Variants in MEGF11 observed in about 807,000 individuals in gnomAD.
The protein encoded by MEGF11 is multiple epidermal growth factor-like domains protein 11.
MEGF11 carries 126 observed loss-of-function variants against 146.6 expected under a neutral mutation model. The ratio of observed to expected loss-of-function variants is 0.86; its 90% CI spans 0.74 to 1.00. The LOEUF is 1.00. Among genes scored for constraint, MEGF11 ranks in the 50% least tolerant of loss-of-function variants. The pLI is 0.00. For missense variants in MEGF11, 1,509 were observed against 1,521.2 expected (o/e 0.99, Z 0.13); for synonymous variants, 532 against 583.4 (o/e 0.91, Z 1.27).
At chr15:66,080,601 C>T (rs17241225) in intron 5 of MEGF11, among the ~76,000 whole-genome samples, 5,347 of 152,320 alleles carry the variant, frequency 0.035, 279 homozygotes, top group Admixed American at 0.15. Flanking sequence ...CTTTGAGAAG[C>T]GCTCAGTAAA....
chr15:66,030,523 C>A (rs770740036), intron 5 of MEGF11, among the ~76,000 whole-genome samples: 8 of 152,226 alleles, frequency 5.3e-5, no homozygotes, highest in Non-Finnish European at 1.2e-4. Flanking sequence ...GATTCTCCTG[C>A]CTCAGCCTCC....
Position 65,957,534 on chromosome 15 carries a change from C to A in MEGF11, c.1287+13G>T, listed in dbSNP as rs760940593. 12 of 1,610,822 alleles carry A rather than the reference C, an allele frequency of 7.4e-6. No homozygotes were observed. In the Admixed American group the frequency reaches 2.0e-4, roughly 27 times the overall value. On this transcript the variant is annotated intron_variant, in intron 10 of 25. Coordinates refer to ENST00000395614, the MANE Select transcript of MEGF11 (RefSeq NM_001385028.1). ...GAGGTCAGGAAGGCCACGGGAGGCC[C>A]CTCCCATCTTACCATGAAGCCCGGA...
At chr15:65,950,072 C>A in intron 10 of MEGF11, among the ~76,000 whole-genome samples, 1 of 152,184 alleles carries the variant, frequency 6.6e-6, no homozygotes, top group Non-Finnish European at 1.5e-5. Flanking sequence ...ACAGGGCACT[C>A]AGGCCAGGAC....
At chr15:66,140,604 C>T (rs1013722947) in intron 1 of MEGF11, among the ~76,000 whole-genome samples, 7 of 152,140 alleles carry the variant, frequency 4.6e-5, no homozygotes, top group South Asian at 2.1e-4. Context: ...CTAAATTTGC[C>T]GTAATACATA....
At chr15:66,104,028 TAG>T (rs1335639444) in intron 4 of MEGF11, among the ~76,000 whole-genome samples, 2 of 152,204 alleles carry the variant, frequency 1.3e-5, no homozygotes, top group African/African-American at 4.8e-5. Flanking sequence ...TGTACACATG[TAG>T]AGAGTGAAAT....
At chr15:66,114,090 G>A (rs960510486) in intron 4 of MEGF11, among the ~76,000 whole-genome samples, 3 of 152,180 alleles carry the variant, frequency 2.0e-5, no homozygotes, top group Non-Finnish European at 2.9e-5. Context: ...TTTGAGAACC[G>A]CTGGAGTCAA....
chr15:66,085,786 AT>A (rs2086082961), intron 5 of MEGF11, among the ~76,000 whole-genome samples: 1 of 152,232 alleles, frequency 6.6e-6, no homozygotes, highest in African/African-American at 2.4e-5. Flanking sequence ...CCCCTAAAAA[AT>A]CACACTAGTT....
chr15:66,164,443 G>A (rs915611491), intron 1 of MEGF11, among the ~76,000 whole-genome samples: 2 of 152,142 alleles, frequency 1.3e-5, no homozygotes, highest in Admixed American at 6.5e-5. Context: ...CAAGAGTTAG[G>A]AGACCTGGGC....
Position 66,182,894 on chromosome 15 carries a change from T to C in MEGF11, c.-8-54483A>G, listed in dbSNP as rs1013429218. On this transcript the variant is annotated intron_variant, in intron 1 of 25. Coordinates refer to ENST00000395614, the MANE Select transcript of MEGF11 (RefSeq NM_001385028.1). ...GAAGCCGTTTATGGTGGAGAGAAGC[T>C]GGAAACATCTTTAGGTGTCCCTCAC... is the stretch of plus-strand genomic sequence containing the variant. Among the ~76,000 whole-genome samples the C allele has an allele frequency of 5.3e-5, 8 of 152,266 alleles. No homozygotes were observed. The East Asian group carries it at 1.5e-3, about 29-fold the overall frequency.
intron 6 of MEGF11, among the ~76,000 whole-genome samples, chr15:65,981,235 G>T (rs891747588): frequency 6.6e-6 from 1 of 152,252 alleles, no homozygotes; most frequent in Admixed American, 6.5e-5. Context: ...CAGGAGAATG[G>T]AAGGAAGGGC....
intron 5 of MEGF11, among the ~76,000 whole-genome samples, chr15:66,023,997 T>C (rs536376215): frequency 2.0e-5 from 3 of 151,876 alleles, no homozygotes; most frequent in Non-Finnish European, 4.4e-5. Context: ...GCAGGAGAAG[T>C]TGGGACAGAG....
intron 22 of MEGF11, 146 bp from the exon 23 acceptor site, chr15:65,909,281 G>T: frequency 1.5e-6 from 1 of 649,808 alleles, no homozygotes; most frequent in Non-Finnish European, 2.7e-6. Flanking sequence ...CATCCAGAGG[G>T]GCCAGGGCCA....
At chr15:66,221,792 T>C (rs891771472) in intron 1 of MEGF11, among the ~76,000 whole-genome samples, 3 of 152,114 alleles carry the variant, frequency 2.0e-5, no homozygotes, top group Non-Finnish European at 4.4e-5. Context: ...GGGGTAAAAT[T>C]CCACTTTTAA....
intron 10 of MEGF11, among the ~76,000 whole-genome samples, chr15:65,932,839 A>G (rs1447572336): frequency 6.6e-6 from 1 of 151,944 alleles, no homozygotes; most frequent in Admixed American, 6.6e-5. Flanking sequence ...CCTTACACCT[A>G]AGCTTTCCGT....
intron 10 of MEGF11, among the ~76,000 whole-genome samples, chr15:65,938,391 A>T (rs1308701282): frequency 6.6e-6 from 1 of 152,336 alleles, no homozygotes; most frequent in South Asian, 2.1e-4. Flanking sequence ...CCCTGTTGAT[A>T]TGGAAAGTGC....
intron 24 of MEGF11, among the ~76,000 whole-genome samples, chr15:65,902,767 C>A (rs894835688): frequency 6.6e-6 from 1 of 152,208 alleles, no homozygotes; most frequent in Non-Finnish European, 1.5e-5. Context: ...CATTTGGTCT[C>A]ATCTGGTTCC....
chr15:66,182,800 C>G (rs2090587527), intron 1 of MEGF11, among the ~76,000 whole-genome samples: 1 of 152,208 alleles, frequency 6.6e-6, no homozygotes, highest in South Asian at 2.1e-4. Context: ...GGGCTGCAGG[C>G]AACATGGGTC....
intron 4 of MEGF11, among the ~76,000 whole-genome samples, chr15:66,101,990 A>G (rs2086829800): frequency 6.6e-6 from 1 of 152,058 alleles, no homozygotes; most frequent in African/African-American, 2.4e-5. Context: ...AGCCTGCCTC[A>G]CCTCAACATG....
chr15:65,919,774 C>T (rs1325613998), intron 15 of MEGF11, among the ~76,000 whole-genome samples: 1 of 152,206 alleles, frequency 6.6e-6, no homozygotes, highest in African/African-American at 2.4e-5. Context: ...CACGCGCCAC[C>T]ATGTCCGGCT....
Sources: allele counts gnomAD v4.1 joint callset (sites outside exome capture counted in the v4.1 genomes callset), GRCh38; gene constraint gnomAD v4.1.1; transcripts MANE v1.5; gene names NCBI Gene and HGNC (gene_info 2026-07-23, HGNC 2026-07-21).